The following ELP4 variants were observed in gnomAD, a reference collection of about 807,000 sequenced individuals.
ELP4 encodes the protein elongator complex protein 4.
A neutral mutation model predicts 48.9 loss-of-function variants in ELP4; 51 were observed. That is an observed-to-expected ratio of 1.04 (90% confidence interval 0.83 to 1.32). The LOEUF is 1.32. Ranked by LOEUF, ELP4 falls within the 40% of genes most tolerant of loss-of-function variation. The pLI is 0.00. For missense variants in ELP4, 519 were observed against 514.6 expected, an observed-to-expected ratio of 1.01 and a Z score of -0.08; for synonymous variants, 210 against 189.2, an observed-to-expected ratio of 1.11 and a Z score of -0.90.
chr11:31,552,175 A>G (rs1417164481), intron 3 of ELP4, among the ~76,000 whole-genome samples: 1 of 152,080 alleles, frequency 6.6e-6, no homozygotes, highest in Non-Finnish European at 1.5e-5. Context: ...TCTCCTAACT[A>G]GCCACTTTAT....
intron 3 of ELP4, among the ~76,000 whole-genome samples, chr11:31,575,345 A>G (rs1189205570): frequency 6.6e-6 from 1 of 152,194 alleles, no homozygotes; most frequent in African/African-American, 2.4e-5. Context: ...GGGAGAATGG[A>G]ACCAAGTTGG....
intron 6 of ELP4, among the ~76,000 whole-genome samples, chr11:31,630,625 G>C (rs1944842899): frequency 6.6e-6 from 1 of 151,922 alleles, no homozygotes. Flanking sequence ...CACAGCGCCT[G>C]GCTTCTCCTT....
At chr11:31,669,031 G>T (rs1380891920) in intron 9 of ELP4, among the ~76,000 whole-genome samples, 2 of 151,670 alleles carry the variant, frequency 1.3e-5, no homozygotes, top group Admixed American at 1.3e-4. Context: ...ACTCTCACTT[G>T]CAGTCTCCTC....
At chr11:31,742,134 G>C (rs1404360861) in intron 9 of ELP4, among the ~76,000 whole-genome samples, 1 of 152,240 alleles carries the variant, frequency 6.6e-6, no homozygotes, top group Admixed American at 6.5e-5. Context: ...TTAACTGGAA[G>C]AAAGGGTATC....
chr11:31,576,447 G>C (rs1369551651), intron 3 of ELP4, among the ~76,000 whole-genome samples: 1 of 152,162 alleles, frequency 6.6e-6, no homozygotes, highest in Non-Finnish European at 1.5e-5. Flanking sequence ...AGACCTAATA[G>C]ACATCTACAG....
Position 31,594,925 on chromosome 11 carries a change from C to A in ELP4, c.513+24C>A, listed in dbSNP as rs942474204. On this transcript the variant is annotated intron_variant, in intron 4 of 9. Transcript: ENST00000640961. ...AGGCAAGTAAACATACAAATTCTTT[C>A]CAAAATTTGCAAATGCATTTGTTTT... 3 of 1,535,970 alleles carry A rather than the reference C, an allele frequency of 2.0e-6. No individual in the cohort carries two copies. In the African/African-American group the frequency reaches 4.3e-5, roughly 22 times the overall value.
chr11:31,602,909 G>C (rs999385725), intron 4 of ELP4, among the ~76,000 whole-genome samples: 5 of 151,758 alleles, frequency 3.3e-5, no homozygotes, highest in African/African-American at 1.2e-4. Context: ...TTCAATTTTG[G>C]ATAGTGATGT....
chr11:31,787,037 A>AAAAT lies in ELP4; in HGVS notation c.*3514_*3517dup, dbSNP rs397795797. ...TGTATCGTTAAATAAATAATAAACA[A>AAAAT]AAATTATTTCAACAATGAGTAAAAG... On this transcript the variant is annotated 3_prime_UTR_variant, in exon 10 of 10. Coordinates refer to ENST00000640961, the MANE Select transcript of ELP4 (RefSeq NM_019040.5). 0.86 allele frequency: 192,816 copies of AAAAT among 224,354 alleles called. 83,507 individuals are homozygous for AAAAT. Among genetic ancestry groups the AAAAT allele is most frequent in the African/African-American group, 0.96 (43,205 of 44,864 alleles). 13.9% of individuals were successfully genotyped at this position (224,354 alleles called of 1,614,324 possible).
chr11:31,688,585 A>G (rs1401055517), intron 9 of ELP4, among the ~76,000 whole-genome samples: 1 of 152,204 alleles, frequency 6.6e-6, no homozygotes, highest in Non-Finnish European at 1.5e-5. Context: ...TCATGTAGTA[A>G]ATAGAACAAG....
chr11:31,735,893 A>G (rs1050285520), intron 9 of ELP4, among the ~76,000 whole-genome samples: 2 of 152,196 alleles, frequency 1.3e-5, no homozygotes, highest in African/African-American at 2.4e-5. Flanking sequence ...GAAAATGGCC[A>G]TACTTCCCAA....
intron 9 of ELP4, among the ~76,000 whole-genome samples, chr11:31,778,369 A>G (rs1349234746): frequency 6.6e-6 from 1 of 152,206 alleles, no homozygotes; most frequent in Non-Finnish European, 1.5e-5. Flanking sequence ...TAATTATACT[A>G]AATACTCAGA....
chr11:31,677,279 A>T (rs1014721112), intron 9 of ELP4, among the ~76,000 whole-genome samples: 11 of 152,216 alleles, frequency 7.2e-5, no homozygotes, highest in Non-Finnish European at 1.3e-4. Flanking sequence ...ACTCTCCCTT[A>T]GGAGCAATGT....
chr11:31,714,964 A>C, intron 9 of ELP4: 1 of 396,226 alleles, frequency 2.5e-6, no homozygotes, highest in Non-Finnish European at 4.4e-6. Flanking sequence ...AAGGTAACAC[A>C]TTACAGGTTC....
intron 9 of ELP4, among the ~76,000 whole-genome samples, chr11:31,746,487 G>A (rs1014087031): frequency 1.3e-5 from 2 of 152,086 alleles, no homozygotes; most frequent in South Asian, 2.1e-4. Context: ...TGGAACCAAC[G>A]TAAATGTCCA....
At chr11:31,645,390 A>T (rs890639649) in intron 7 of ELP4, among the ~76,000 whole-genome samples, 1 of 151,808 alleles carries the variant, frequency 6.6e-6, no homozygotes, top group African/African-American at 2.4e-5. Context: ...GTAAATGTTA[A>T]GATTAAATGA....
At chr11:31,753,982 A>G (rs1167124291) in intron 9 of ELP4, among the ~76,000 whole-genome samples, 1 of 152,190 alleles carries the variant, frequency 6.6e-6, no homozygotes, top group Non-Finnish European at 1.5e-5. Context: ...TTAGAAGGCA[A>G]TAAAGTTTAG....
At chr11:31,720,515 T>A (rs1420746504) in intron 9 of ELP4, among the ~76,000 whole-genome samples, 1 of 78,936 alleles carries the variant, frequency 1.3e-5, no homozygotes, top group African/African-American at 5.2e-5. Context: ...AAAAATAGAT[T>A]AAAGGAATTA....
chr11:31,729,969 G>A (rs1234649694), intron 9 of ELP4, among the ~76,000 whole-genome samples: 1 of 152,142 alleles, frequency 6.6e-6, no homozygotes, highest in East Asian at 1.9e-4. Flanking sequence ...TTGTAGAATA[G>A]GAATCCCCAG....
chr11:31,713,887 T>C (rs1315918116), intron 9 of ELP4, among the ~76,000 whole-genome samples: 1 of 152,098 alleles, frequency 6.6e-6, no homozygotes, highest in Non-Finnish European at 1.5e-5. Flanking sequence ...ACCTGCAATA[T>C]AATGATTGGA....
Sources: allele counts gnomAD v4.1 joint callset (sites outside exome capture counted in the v4.1 genomes callset), GRCh38; gene constraint gnomAD v4.1.1; transcripts MANE v1.5; gene names NCBI Gene and HGNC (gene_info 2026-07-23, HGNC 2026-07-21).